The following TAFA2 variants were observed in gnomAD, a reference collection of about 807,000 sequenced individuals.
The protein encoded by TAFA2 is TAFA chemokine like family member 2.
Under a neutral mutation model 18.8 loss-of-function variants are expected in TAFA2, and 7 were observed. The observed-to-expected ratio is 0.37, with a 90% confidence interval of 0.21 to 0.70. The LOEUF (loss-of-function observed/expected upper bound fraction) is 0.70, where lower values mean the gene tolerates loss of function less well. Ranked by LOEUF, TAFA2 falls within the 30% of genes least tolerant of loss-of-function variation. The pLI, the probability that TAFA2 is intolerant of heterozygous loss-of-function variation, is 0.53. For missense variants in TAFA2, 122 were observed against 158.1 expected, an observed-to-expected ratio of 0.77 and a Z score of 1.23; for synonymous variants, 60 against 54.2, an observed-to-expected ratio of 1.11 and a Z score of -0.47.
At chr12:61,790,354 A>C (rs1870923970) in intron 2 of TAFA2, among the ~76,000 whole-genome samples, 1 of 151,874 alleles carries the variant, frequency 6.6e-6, no homozygotes, top group South Asian at 2.1e-4. Flanking sequence ...ACTGTACTGG[A>C]AGTCCTAGCC....
chr12:61,991,454 AG>A (rs1051846349), intron 1 of TAFA2, among the ~76,000 whole-genome samples: 1 of 152,212 alleles, frequency 6.6e-6, no homozygotes, highest in African/African-American at 2.4e-5. Flanking sequence ...AAATCTACAA[AG>A]GCTTCATTTT....
At chr12:61,893,252 C>A (rs982758821) in intron 1 of TAFA2, among the ~76,000 whole-genome samples, 2 of 152,164 alleles carry the variant, frequency 1.3e-5, no homozygotes, top group African/African-American at 4.8e-5. Flanking sequence ...TGGCAGCATG[C>A]AAGCAAGGCT....
At chr12:62,218,924 T>C (rs1206695729) in intron 1 of TAFA2, among the ~76,000 whole-genome samples, 2 of 152,140 alleles carry the variant, frequency 1.3e-5, no homozygotes, top group Admixed American at 6.5e-5. Context: ...ACTTGCAAAG[T>C]AGCTAGACAT....
Position 62,225,797 on chromosome 12 carries a change from C to T in TAFA2, c.-130+32966G>A, listed in dbSNP as rs927987221. On this transcript the variant is annotated intron_variant, in intron 1 of 5. Coordinates refer to the TAFA2 transcript ENST00000551619. The stretch of plus-strand genomic sequence containing the variant: ...TATGAATTTTTACATGTAAGTTTGA[C>T]AAGGATCAGAAAGTTTAATAACACA... Among the ~76,000 whole-genome samples, 7 of 152,058 alleles carry T rather than the reference C, an allele frequency of 4.6e-5. 1 individual carries two copies. Among genetic ancestry groups the T allele is most frequent in the Non-Finnish European group, 1.5e-5 (1 of 68,012 alleles).
intron 1 of TAFA2, among the ~76,000 whole-genome samples, chr12:62,129,473 A>G (rs901740914): frequency 3.3e-5 from 5 of 152,020 alleles, no homozygotes; most frequent in African/African-American, 2.4e-5. Context: ...CCATCTGGCA[A>G]TCAGGAATCT....
At chr12:61,983,610 G>C (rs1283145424) in intron 1 of TAFA2, among the ~76,000 whole-genome samples, 1 of 152,072 alleles carries the variant, frequency 6.6e-6, no homozygotes, top group East Asian at 1.9e-4. Flanking sequence ...GTTTCACTGT[G>C]TTGGCCAGGA....
chr12:62,219,426 C>T (rs369109239), intron 1 of TAFA2, among the ~76,000 whole-genome samples: 1 of 152,094 alleles, frequency 6.6e-6, no homozygotes, highest in Admixed American at 6.5e-5. Context: ...CACACAGCAA[C>T]CCCAGAATTT....
chr12:62,242,543 TTC>T (rs1228363149), intron 1 of TAFA2: 20 of 155,324 alleles, frequency 1.3e-4, no homozygotes, highest in African/African-American at 4.3e-4. Flanking sequence ...CAGGCTGGTC[TTC>T]AACTCTTGGC....
intron 1 of TAFA2, among the ~76,000 whole-genome samples, chr12:62,171,147 C>CATTATT (rs142267647): frequency 6.6e-6 from 1 of 151,722 alleles, no homozygotes; most frequent in East Asian, 1.9e-4. Context: ...GTATAATCCC[C>CATTATT]ATTATTATTA....
chr12:61,911,963 A>G (rs1273342467), intron 1 of TAFA2, among the ~76,000 whole-genome samples: 1 of 152,218 alleles, frequency 6.6e-6, no homozygotes, highest in African/African-American at 2.4e-5. Context: ...GTTCTCATCC[A>G]TCCCTTACTG....
intron 1 of TAFA2, among the ~76,000 whole-genome samples, chr12:61,921,097 A>G (rs1877033974): frequency 6.6e-6 from 1 of 152,210 alleles, no homozygotes; most frequent in East Asian, 1.9e-4. Context: ...CCAAGACATA[A>G]TGGGAATGAT....
intron 1 of TAFA2, among the ~76,000 whole-genome samples, chr12:61,904,297 G>A (rs1876243746): frequency 6.6e-6 from 1 of 152,002 alleles, no homozygotes; most frequent in Non-Finnish European, 1.5e-5. Context: ...AACACTACAG[G>A]TTTTTCCCTA....
intron 1 of TAFA2, among the ~76,000 whole-genome samples, chr12:61,900,342 A>G (rs1876044191): frequency 6.6e-6 from 1 of 152,212 alleles, no homozygotes; most frequent in South Asian, 2.1e-4. Flanking sequence ...GTAAGTTTCC[A>G]TTACTCCACA....
chr12:62,057,610 T>C (rs1882220898), intron 1 of TAFA2, among the ~76,000 whole-genome samples: 1 of 152,210 alleles, frequency 6.6e-6, no homozygotes, highest in African/African-American at 2.4e-5. Flanking sequence ...TTGGAAATTA[T>C]GTACTCTTGT....
intron 1 of TAFA2, among the ~76,000 whole-genome samples, chr12:62,204,528 T>C (rs1247306716): frequency 6.6e-6 from 1 of 152,182 alleles, no homozygotes; most frequent in Non-Finnish European, 1.5e-5. Context: ...TTCATTACTT[T>C]TTATTCTTTT....
chr12:61,933,296 T>G lies in TAFA2; in HGVS notation c.-1-65870A>C, dbSNP rs17125536. 9.6e-3 allele frequency among the ~76,000 whole-genome samples: 1,465 copies of G among 152,316 alleles called. 36 individuals are homozygous for G. Among genetic ancestry groups the G allele is most frequent in the African/African-American group, 0.033 (1,379 of 41,582 alleles). ...TCTTTAAAAACATCTTTAACAGCTA[T>G]GAGATATAGTTTCCACCTTTATGTA... On this transcript the variant is annotated intron_variant, in intron 1 of 4. Coordinates refer to ENST00000416284, the MANE Select transcript of TAFA2 (RefSeq NM_178539.5).
chr12:61,862,722 C>T (rs1393902662), intron 2 of TAFA2, among the ~76,000 whole-genome samples: 4 of 152,172 alleles, frequency 2.6e-5, no homozygotes, highest in Non-Finnish European at 5.9e-5. Context: ...TGAAAGCATT[C>T]ATACCTATTG....
chr12:61,880,707 G>A, intron 1 of TAFA2: 2 of 371,434 alleles, frequency 5.4e-6, no homozygotes, highest in Non-Finnish European at 5.3e-6. Flanking sequence ...CAGGGCTATG[G>A]TTGTGAAGAT....
rs76215420 is a variant in TAFA2, at chr12:61,841,045, C to T, written c.106+26275G>A. Among the ~76,000 whole-genome samples, 419 of 152,078 alleles carry T rather than the reference C, an allele frequency of 2.8e-3. 1 individual carries two copies. Among genetic ancestry groups the T allele is most frequent in the Non-Finnish European group, 3.9e-3 (264 of 67,970 alleles). On this transcript the variant is annotated intron_variant, in intron 2 of 4. Transcript: ENST00000416284. The stretch of plus-strand genomic sequence containing the variant: ...TAGAGTCTTTACTACACACAGGACA[C>T]TATGTTCATCCATGTGTCCTGCTGG...
Sources: allele counts gnomAD v4.1 joint callset (sites outside exome capture counted in the v4.1 genomes callset), GRCh38; gene constraint gnomAD v4.1.1; transcripts MANE v1.5; gene names NCBI Gene and HGNC (gene_info 2026-07-23, HGNC 2026-07-21).